The following ROR2 variants were observed in gnomAD, a reference collection of about 807,000 sequenced individuals.
ROR2 encodes tyrosine-protein kinase transmembrane receptor ROR2.
In ROR2, 33 loss-of-function variants were observed where a neutral mutation model predicts 74.9. The ratio of observed to expected loss-of-function variants is 0.44; its 90% CI spans 0.33 to 0.59. The LOEUF (loss-of-function observed/expected upper bound fraction) is 0.59, where lower values mean the gene tolerates loss of function less well. ROR2 is among the 20% of genes least tolerant of loss of function. The pLI, the probability that ROR2 is intolerant of heterozygous loss-of-function variation, is 0.02. For synonymous variants in ROR2, 586 were observed against 558.7 expected (o/e 1.05, Z -0.69); for missense variants, 1,216 against 1,313.8 (o/e 0.93, Z 1.15).
intron 1 of ROR2, among the ~76,000 whole-genome samples, chr9:91,813,236 CGACCTTCTACAGTT>C (rs1451943391): frequency 6.6e-6 from 1 of 152,172 alleles, no homozygotes; most frequent in Non-Finnish European, 1.5e-5. Flanking sequence ...AACGAAATGT[CGACCTTCTACAGTT>C]GACATCACTC....
At chr9:91,939,348 G>A (rs906929178) in intron 1 of ROR2, among the ~76,000 whole-genome samples, 6 of 152,232 alleles carry the variant, frequency 3.9e-5, no homozygotes, top group African/African-American at 1.4e-4. Flanking sequence ...CCCGCATCAT[G>A]GTTTTCGTGC....
intron 1 of ROR2, among the ~76,000 whole-genome samples, chr9:91,830,767 A>T (rs545903785): frequency 2.6e-5 from 4 of 151,994 alleles, no homozygotes; most frequent in African/African-American, 9.7e-5. Flanking sequence ...TTGAAAAAAA[A>T]GTTAGTATGA....
intron 1 of ROR2, among the ~76,000 whole-genome samples, chr9:91,792,550 C>T (rs913384744): frequency 7.9e-5 from 12 of 152,110 alleles, no homozygotes; most frequent in African/African-American, 2.7e-4. Flanking sequence ...CCTTGTGATC[C>T]GCCCACCTTG....
Position 91,724,112 on chromosome 9 carries a change from C to G in ROR2, c.2382G>C (p.Pro794=). Residue 794 remains proline (P), a synonymous_variant, in exon 9 of 9, where the codon CCG becomes CCC. Coordinates refer to ENST00000375708, the MANE Select transcript of ROR2 (RefSeq NM_004560.4). The part of the protein sequence containing the change: ...ARYVGPKQKA[P]PFPQPQFIPM... Reference sequence around the variant, plus strand: ...GGATGAACTGGGGCTGTGGGAAGGGCGGGGCCTTCTGCTTGGGCCCCACGT... The same window carrying G: ...GGATGAACTGGGGCTGTGGGAAGGGGGGGGCCTTCTGCTTGGGCCCCACGT... 1.2e-6 allele frequency: 2 copies of G among 1,610,832 alleles called. No homozygotes were observed. The highest frequency in any genetic ancestry group is 1.7e-6 in the Non-Finnish European group (2 of 1,179,946).
intron 1 of ROR2, among the ~76,000 whole-genome samples, chr9:91,840,277 C>T (rs1828742201): frequency 1.3e-5 from 2 of 152,154 alleles, no homozygotes; most frequent in South Asian, 2.1e-4. Context: ...TAACGTTACC[C>T]GTTTCTCTTT....
chr9:91,932,671 AAAG>A (rs1831580128), intron 1 of ROR2, among the ~76,000 whole-genome samples: 2 of 152,108 alleles, frequency 1.3e-5, no homozygotes. Flanking sequence ...CAAAAAAAAA[AAAG>A]AAAGAAAGAA....
intron 1 of ROR2, among the ~76,000 whole-genome samples, chr9:91,920,119 A>G (rs1358231385): frequency 6.6e-6 from 1 of 152,246 alleles, no homozygotes; most frequent in Non-Finnish European, 1.5e-5. Context: ...AAAAATTATA[A>G]AAGAATCAAA....
chr9:91,915,017 C>T (rs984840599), intron 1 of ROR2, among the ~76,000 whole-genome samples: 2 of 152,174 alleles, frequency 1.3e-5, no homozygotes, highest in Non-Finnish European at 2.9e-5. Flanking sequence ...ATCATCACTG[C>T]TTCTAGGATC....
chr9:91,745,866 G>A (rs1825395637), intron 4 of ROR2, among the ~76,000 whole-genome samples: 2 of 152,014 alleles, frequency 1.3e-5, no homozygotes, highest in African/African-American at 2.4e-5. Context: ...TGGGATTTAA[G>A]GAAAGTTGTA....
rs539755303 is a variant in ROR2 at position 91,781,399 on chromosome 9, C to A, written c.98-5581G>T. 9.1e-4 allele frequency among the ~76,000 whole-genome samples: 139 copies of A among 152,282 alleles called. 3 individuals carry two copies. In the South Asian group the frequency reaches 0.027, roughly 29 times the overall value. ...ACAACAACTACTCAGCTCGGCAACACGTCAGATCGAAAACACCCATGATGC... is the reference window on the plus strand; with the variant it reads ...ACAACAACTACTCAGCTCGGCAACAAGTCAGATCGAAAACACCCATGATGC... On this transcript the variant is annotated intron_variant, in intron 1 of 8. Coordinates refer to ENST00000375708, the MANE Select transcript of ROR2 (RefSeq NM_004560.4).
In ROR2 at chr9:91,927,290, G is replaced by A. The variant is rs147383965; in HGVS notation, c.97+22577C>T. ...TCACTTGGTGGTCACCGCCCTCAGCGGCTTTTGGAAGCTCATCCAAATCCC... is the reference window on the plus strand; with the variant it reads ...TCACTTGGTGGTCACCGCCCTCAGCAGCTTTTGGAAGCTCATCCAAATCCC... On this transcript the variant is annotated intron_variant, in intron 1 of 8. Transcript: ENST00000375708. Among the ~76,000 whole-genome samples, 804 of 152,290 alleles carry A rather than the reference G, an allele frequency of 5.3e-3. 6 individuals are homozygous for A. Among genetic ancestry groups the A allele is most frequent in the Non-Finnish European group, 8.5e-3 (579 of 68,030 alleles).
chr9:91,804,492 C>T (rs937170978), intron 1 of ROR2, among the ~76,000 whole-genome samples: 3 of 152,210 alleles, frequency 2.0e-5, no homozygotes, highest in Non-Finnish European at 4.4e-5. Flanking sequence ...GGGCTTAGCA[C>T]CCCTGCGGCC....
At chr9:91,735,606 C>CTTTTTTTTTTTTTTTTTTTTTTTT (rs35146225) in intron 5 of ROR2, among the ~76,000 whole-genome samples, 27 of 79,012 alleles carry the variant, frequency 3.4e-4, no homozygotes, top group East Asian at 1.5e-3. Context: ...AGGGCTCTAA[C>CTTTTTTTTTTTTTTTTTTTTTTTT]TTTTTTTTTT....
Position 91,744,960 on chromosome 9 carries a change from T to C in ROR2, c.495-7442A>G, listed in dbSNP as rs1160806479. On this transcript the variant is annotated intron_variant, in intron 4 of 8. Coordinates refer to ENST00000375708, the MANE Select transcript of ROR2 (RefSeq NM_004560.4). ...TAAAAGGCTCTCACTGTGCATAATA[T>C]GGTGTAAGAGCTAGCCCCTGGAATC... Among the ~76,000 whole-genome samples the C allele has an allele frequency of 2.0e-5, 3 of 152,128 alleles. No individual in the cohort carries two copies. In the East Asian group the frequency reaches 5.8e-4, roughly 29 times the overall value.
At chr9:91,949,334 G>T (rs932080107) in intron 1 of ROR2, among the ~76,000 whole-genome samples, 1 of 149,988 alleles carries the variant, frequency 6.7e-6, no homozygotes, top group Non-Finnish European at 1.5e-5. Context: ...AGCCGCCGGC[G>T]CCCCCACCCC....
At chr9:91,935,845 G>A (rs991884639) in intron 1 of ROR2, among the ~76,000 whole-genome samples, 3 of 152,242 alleles carry the variant, frequency 2.0e-5, no homozygotes, top group Admixed American at 6.5e-5. Flanking sequence ...CAGATGGGCA[G>A]CCTAGCAATG....
chr9:91,947,075 A>G (rs1392474850), intron 1 of ROR2, among the ~76,000 whole-genome samples: 1 of 152,180 alleles, frequency 6.6e-6, no homozygotes, highest in African/African-American at 2.4e-5. Flanking sequence ...TGAATAAACA[A>G]TAAAAAAAAG....
intron 1 of ROR2, among the ~76,000 whole-genome samples, chr9:91,879,703 C>A (rs1830052770): frequency 1.3e-5 from 2 of 152,010 alleles, no homozygotes; most frequent in African/African-American, 4.8e-5. Context: ...TCAAGGTATG[C>A]CCACCAAGAA....
At chr9:91,788,553 A>G (rs2118994001) in intron 1 of ROR2, among the ~76,000 whole-genome samples, 1 of 152,210 alleles carries the variant, frequency 6.6e-6, no homozygotes, top group African/African-American at 2.4e-5. Flanking sequence ...AAAAAAAAAA[A>G]AGATTTTTCA....
Sources: gnomAD v4.1 joint callset for allele counts (sites outside exome capture counted in the v4.1 genomes callset) on GRCh38, gnomAD v4.1.1 for gene constraint, MANE v1.5 for transcripts, NCBI Gene and HGNC (gene_info 2026-07-23, HGNC 2026-07-21) for gene names.